ARHGAP10: variants seen among roughly 807,000 people sequenced by gnomAD.
The protein encoded by ARHGAP10 is Rho GTPase activating protein 10, also known as rho GTPase-activating protein 10.
A neutral mutation model predicts 108.6 loss-of-function variants in ARHGAP10; 87 were observed. The ratio of observed to expected loss-of-function variants is 0.80; its 90% CI spans 0.67 to 0.96. ARHGAP10 has a LOEUF of 0.96. ARHGAP10 is among the 40% of genes least tolerant of loss of function. ARHGAP10 has a pLI of 0.00. For missense variants in ARHGAP10, 939 were observed against 954.5 expected (o/e 0.98, Z 0.21); for synonymous variants, 347 against 341.1 (o/e 1.02, Z -0.19).
At chr4:147,771,015 A>G (rs1730054878) in intron 1 of ARHGAP10, among the ~76,000 whole-genome samples, 1 of 152,082 alleles carries the variant, frequency 6.6e-6, no homozygotes, top group Non-Finnish European at 1.5e-5. Flanking sequence ...GAGACCAGTA[A>G]TACTGGATTA....
chr4:147,925,940 G>A (rs1352840787), intron 13 of ARHGAP10, among the ~76,000 whole-genome samples: 1 of 152,192 alleles, frequency 6.6e-6, no homozygotes, highest in African/African-American at 2.4e-5. Flanking sequence ...TTTTATAATG[G>A]CCAGCAAGGA....
intron 10 of ARHGAP10, among the ~76,000 whole-genome samples, chr4:147,895,887 A>G (rs1735977039): frequency 6.6e-6 from 1 of 152,188 alleles, no homozygotes; most frequent in Non-Finnish European, 1.5e-5. Flanking sequence ...AATTGCTTGT[A>G]GATGCCCTTT....
chr4:148,064,621 T>C, intron 22 of ARHGAP10, 114 bp downstream of exon 22: 1 of 935,488 alleles, frequency 1.1e-6, no homozygotes, highest in East Asian at 2.5e-5. Context: ...GTCTCCCCCT[T>C]GATGCTTTGG....
At chr4:147,736,120 C>CTGTCTGTGTGTGTGTG (rs1553944269) in intron 1 of ARHGAP10, among the ~76,000 whole-genome samples, 1 of 144,634 alleles carries the variant, frequency 6.9e-6, no homozygotes, top group African/African-American at 2.5e-5. Flanking sequence ...AATTGTCTAG[C>CTGTCTGTGTGTGTGTG]TGTGTGTGTG....
chr4:147,894,870 T>C (rs9994650), intron 10 of ARHGAP10, among the ~76,000 whole-genome samples: 16,504 of 152,184 alleles, frequency 0.11, 1,018 homozygotes, highest in East Asian at 0.27. Context: ...CTCTACTCTG[T>C]TGCATCTCTT....
intron 7 of ARHGAP10, among the ~76,000 whole-genome samples, chr4:147,873,180 A>G (rs935119625): frequency 2.0e-5 from 3 of 152,164 alleles, no homozygotes; most frequent in Non-Finnish European, 4.4e-5. Flanking sequence ...GGACTGGCGC[A>G]GGGAAAGTAT....
At chr4:148,047,511 C>T (rs1251566633) in intron 20 of ARHGAP10, among the ~76,000 whole-genome samples, 2 of 152,236 alleles carry the variant, frequency 1.3e-5, no homozygotes, top group African/African-American at 2.4e-5. Flanking sequence ...AGAGTTGAGA[C>T]TTGATGGTTG....
chr4:147,938,333 A>T (rs1294704658), intron 13 of ARHGAP10, among the ~76,000 whole-genome samples: 1 of 152,182 alleles, frequency 6.6e-6, no homozygotes, highest in African/African-American at 2.4e-5. Flanking sequence ...TTATCTATGT[A>T]ACAAACCTGT....
At chr4:147,809,891 A>G (rs911294171) in intron 1 of ARHGAP10, among the ~76,000 whole-genome samples, 4 of 152,172 alleles carry the variant, frequency 2.6e-5, no homozygotes, top group Non-Finnish European at 5.9e-5. Flanking sequence ...GACCCCTGCT[A>G]TACGCCAAGG....
At chr4:148,041,769 G>T (rs1728641451) in intron 19 of ARHGAP10, among the ~76,000 whole-genome samples, 1 of 152,184 alleles carries the variant, frequency 6.6e-6, no homozygotes, top group Non-Finnish European at 1.5e-5. Context: ...TTGACCAATT[G>T]TGGTCAGTTT....
intron 18 of ARHGAP10, among the ~76,000 whole-genome samples, chr4:148,000,251 A>T (rs1740652317): frequency 6.6e-6 from 1 of 152,228 alleles, no homozygotes; most frequent in Non-Finnish European, 1.5e-5. Flanking sequence ...TACAAAGGAC[A>T]TGAACTCATC....
At chr4:147,948,757 C>T (rs1280520663) in intron 15 of ARHGAP10, among the ~76,000 whole-genome samples, 1 of 151,758 alleles carries the variant, frequency 6.6e-6, no homozygotes, top group Non-Finnish European at 1.5e-5. Flanking sequence ...GAGATCAAGA[C>T]CATCCTTGCT....
intron 1 of ARHGAP10, among the ~76,000 whole-genome samples, chr4:147,742,229 G>C (rs1398252024): frequency 2.0e-5 from 3 of 151,900 alleles, no homozygotes; most frequent in Non-Finnish European, 4.4e-5. Context: ...GTGACTTTGG[G>C]CAAGTTATTT....
intron 18 of ARHGAP10, among the ~76,000 whole-genome samples, chr4:147,986,568 G>A (rs1270231790): frequency 6.6e-6 from 1 of 152,096 alleles, no homozygotes; most frequent in East Asian, 1.9e-4. Flanking sequence ...CTTTTAGTGT[G>A]CTGTCTCCAG....
At chr4:147,756,823 ATTGTC>A (rs1055381985) in intron 1 of ARHGAP10, among the ~76,000 whole-genome samples, 4 of 151,730 alleles carry the variant, frequency 2.6e-5, no homozygotes, top group African/African-American at 9.7e-5. Context: ...TGTGTAATGT[ATTGTC>A]TTATTAGAAT....
Position 147,873,679 on chromosome 4 carries a change from A to ACACACACAC in ARHGAP10, c.703-1342_703-1341insCACACACAC, listed in dbSNP as rs1194292185. 1.9e-4 allele frequency among the ~76,000 whole-genome samples: 3 copies of ACACACACAC among 15,766 alleles called. No individual in the cohort carries two copies. In the East Asian group the frequency reaches 6.0e-3, roughly 32 times the overall value. The allele number at this position is 15,766 out of a possible 152,430, so 10.3% of individuals were successfully genotyped here. On this transcript the variant is annotated intron_variant, in intron 7 of 22. Coordinates refer to ENST00000336498, the MANE Select transcript of ARHGAP10 (RefSeq NM_024605.4). ...CTGTCTCTACAAAAAAACAAAAAAC[A>ACACACACAC]AAACACACACACACACACACACACA...
intron 1 of ARHGAP10, among the ~76,000 whole-genome samples, chr4:147,799,264 T>A (rs767545468): frequency 2.6e-5 from 4 of 152,144 alleles, no homozygotes; most frequent in Non-Finnish European, 5.9e-5. Flanking sequence ...GGTCACAAAC[T>A]CCTGACCTCA....
In ARHGAP10 at chr4:147,956,831, A is replaced by G. The variant is rs561366306; in HGVS notation, c.1450+1457A>G. Among the ~76,000 whole-genome samples the G allele has an allele frequency of 5.3e-5, 8 of 151,980 alleles. No homozygotes were observed. The South Asian group carries it at 1.0e-3, about 20-fold the overall frequency. On this transcript the variant is annotated intron_variant, in intron 16 of 22. Coordinates refer to ENST00000336498, the MANE Select transcript of ARHGAP10 (RefSeq NM_024605.4). ...TGCAGGTTAGTTACATATGTTTTAA[A>G]TGACCACAATCATTAGTATTATTAC...
intron 13 of ARHGAP10, among the ~76,000 whole-genome samples, chr4:147,921,525 G>A (rs949752278): frequency 6.6e-6 from 1 of 152,076 alleles, no homozygotes; most frequent in African/African-American, 2.4e-5. Flanking sequence ...GAAGGCTCTG[G>A]GTCATGGTGC....
Sources: allele counts gnomAD v4.1 joint callset (sites outside exome capture counted in the v4.1 genomes callset), GRCh38; gene constraint gnomAD v4.1.1; transcripts MANE v1.5; gene names NCBI Gene and HGNC (gene_info 2026-07-23, HGNC 2026-07-21).